KHDRBS2: variants seen among roughly 807,000 people sequenced by gnomAD.
The protein encoded by KHDRBS2 is KH RNA binding domain containing, signal transduction associated 2, also known as KH domain-containing, RNA-binding, signal transduction-associated protein 2.
In KHDRBS2, 26 loss-of-function variants were observed where a neutral mutation model predicts 44.3. That is an observed-to-expected ratio of 0.59 (90% CI 0.43 to 0.81). KHDRBS2 has a LOEUF of 0.81. KHDRBS2 is among the 40% of genes least tolerant of loss of function. KHDRBS2 has a pLI of 0.00. For missense variants in KHDRBS2, 476 were observed against 433.1 expected (o/e 1.10, Z -0.88); for synonymous variants, 194 against 151.1 (o/e 1.28, Z -2.08).
chr6:61,729,975 T>C (rs918189263), intron 7 of KHDRBS2, among the ~76,000 whole-genome samples: 3 of 152,146 alleles, frequency 2.0e-5, no homozygotes, highest in Non-Finnish European at 4.4e-5. Context: ...TAAAAAATAA[T>C]CTAAAGGCAA....
chr6:61,714,445 T>G (rs1340298429), intron 7 of KHDRBS2, among the ~76,000 whole-genome samples: 1 of 151,936 alleles, frequency 6.6e-6, no homozygotes. Context: ...CTGGTGGAAA[T>G]GTAAATTAGT....
the KHDRBS2 span, among the ~76,000 whole-genome samples, chr6:61,636,214 C>A: frequency 1.3e-5 from 2 of 152,016 alleles, no homozygotes; most frequent in African/African-American, 4.8e-5. Context: ...GTTCAAATGA[C>A]ATCTGCAAAA....
intron 7 of KHDRBS2, among the ~76,000 whole-genome samples, chr6:61,714,504 A>C (rs1168032089): frequency 6.6e-6 from 1 of 151,936 alleles, no homozygotes; most frequent in Non-Finnish European, 1.5e-5. Context: ...AACTAAAAAT[A>C]GAACTGCCAT....
chr6:61,553,783 T>C, the KHDRBS2 span, among the ~76,000 whole-genome samples: 1 of 152,200 alleles, frequency 6.6e-6, no homozygotes, highest in South Asian at 2.1e-4. Context: ...GGTCAAGTTG[T>C]TTAATTTCTG....
intron 6 of KHDRBS2, among the ~76,000 whole-genome samples, chr6:61,749,195 AGTAGAGATGGGG>A (rs1562088758): frequency 1.3e-5 from 2 of 151,196 alleles, no homozygotes; most frequent in Non-Finnish European, 3.0e-5. Flanking sequence ...TTGTATTTTT[AGTAGAGATGGGG>A]TTCCGCCGTG....
intron 6 of KHDRBS2, among the ~76,000 whole-genome samples, chr6:61,838,307 G>T (rs1793044743): frequency 6.6e-6 from 1 of 151,892 alleles, no homozygotes; most frequent in Non-Finnish European, 1.5e-5. Flanking sequence ...CATTAATAAA[G>T]TTACATTTAT....
intron 6 of KHDRBS2, among the ~76,000 whole-genome samples, chr6:61,858,250 GAA>G (rs35574903): frequency 0.071 from 10,062 of 141,430 alleles, 401 homozygotes; most frequent in Middle Eastern, 0.14. Flanking sequence ...TGCAATTTAA[GAA>G]AAAAAAAAAC....
At position 61,808,642 on chromosome 6, in the gene KHDRBS2, G is replaced by A. The variant is rs576427573; in HGVS notation, c.811-75878C>T. Among the ~76,000 whole-genome samples the A allele has an allele frequency of 1.2e-3, 187 of 152,146 alleles. 1 individual carries two copies. The highest frequency in any genetic ancestry group is 4.3e-3 in the African/African-American group (178 of 41,548). On this transcript the variant is annotated intron_variant, in intron 6 of 8. Coordinates refer to ENST00000281156, the MANE Select transcript of KHDRBS2 (RefSeq NM_152688.4). Reference sequence around the variant, plus strand: ...ATAAAACATCAAAAAATAGATAAGTGAGAAATGAATGTTTTAGGTTAGATT... The same window carrying A: ...ATAAAACATCAAAAAATAGATAAGTAAGAAATGAATGTTTTAGGTTAGATT...
intron 3 of KHDRBS2, among the ~76,000 whole-genome samples, chr6:62,005,780 A>C (rs890963742): frequency 5.0e-4 from 76 of 152,040 alleles, no homozygotes; most frequent in African/African-American, 1.7e-3. Context: ...TGAAATAAAA[A>C]TAAAAAATGA....
intron 2 of KHDRBS2, among the ~76,000 whole-genome samples, chr6:62,112,915 C>G (rs1280962787): frequency 1.3e-5 from 2 of 152,130 alleles, no homozygotes; most frequent in Admixed American, 6.6e-5. Flanking sequence ...AAATACACGC[C>G]AAAGTTGTGT....
At chr6:62,076,309 C>T (rs1343113360) in intron 2 of KHDRBS2, among the ~76,000 whole-genome samples, 1 of 151,944 alleles carries the variant, frequency 6.6e-6, no homozygotes, top group African/African-American at 2.4e-5. Context: ...CTCATCTTAA[C>T]AGAGCTATGA....
chr6:61,857,131 A>G (rs1339053664), intron 6 of KHDRBS2, among the ~76,000 whole-genome samples: 6 of 152,086 alleles, frequency 3.9e-5, no homozygotes, highest in Admixed American at 1.3e-4. Context: ...TTAAGTAACT[A>G]GCCTTCACGG....
intron 1 of KHDRBS2, among the ~76,000 whole-genome samples, chr6:62,182,624 A>G (rs965292616): frequency 2.0e-5 from 3 of 151,914 alleles, no homozygotes; most frequent in African/African-American, 7.2e-5. Context: ...TATGTCAGCC[A>G]TATCTCAATA....
intron 6 of KHDRBS2, among the ~76,000 whole-genome samples, chr6:61,891,896 G>A (rs1269067738): frequency 3.9e-5 from 6 of 152,060 alleles, no homozygotes; most frequent in Non-Finnish European, 8.8e-5. Context: ...GGAAGTTCTG[G>A]CCAGGGCAGT....
At chr6:62,133,094 CT>C (rs1216789561) in intron 2 of KHDRBS2, among the ~76,000 whole-genome samples, 6 of 151,930 alleles carry the variant, frequency 3.9e-5, no homozygotes, top group African/African-American at 1.5e-4. Context: ...ATAAGGATGA[CT>C]GTTATTAAAA....
At chr6:61,946,085 A>G (rs1813323823) in intron 4 of KHDRBS2, among the ~76,000 whole-genome samples, 1 of 152,200 alleles carries the variant, frequency 6.6e-6, no homozygotes, top group South Asian at 2.1e-4. Flanking sequence ...TCATCCTCCT[A>G]CACAAGAACT....
At chr6:62,067,556 T>A (rs1310425309) in intron 2 of KHDRBS2, among the ~76,000 whole-genome samples, 2 of 151,604 alleles carry the variant, frequency 1.3e-5, no homozygotes, top group Non-Finnish European at 3.0e-5. Flanking sequence ...ACTATTGGTT[T>A]GAATATTTTA....
intron 6 of KHDRBS2, among the ~76,000 whole-genome samples, chr6:61,829,738 T>C (rs1583051171): frequency 2.0e-5 from 3 of 152,292 alleles, no homozygotes; most frequent in East Asian, 3.9e-4. Flanking sequence ...CTAATAGTGA[T>C]ATATCAATGT....
chr6:61,975,989 A>G (rs1772563084), intron 4 of KHDRBS2, among the ~76,000 whole-genome samples: 2 of 152,170 alleles, frequency 1.3e-5, no homozygotes, highest in South Asian at 4.1e-4. Flanking sequence ...TGTTGAATGA[A>G]CAAAAACCAG....
Sources: gnomAD v4.1 joint callset for allele counts (sites outside exome capture counted in the v4.1 genomes callset) on GRCh38, gnomAD v4.1.1 for gene constraint, MANE v1.5 for transcripts, NCBI Gene and HGNC (gene_info 2026-07-23, HGNC 2026-07-21) for gene names.